CENPW: variants seen among roughly 807,000 people sequenced by gnomAD.
CENPW encodes centromere protein W.
A neutral mutation model predicts 11.1 loss-of-function variants in CENPW; 3 were observed. The observed-to-expected ratio is 0.27, with a 90% confidence interval of 0.12 to 0.70. CENPW has a LOEUF of 0.70. Ranked by LOEUF, CENPW falls within the 30% of genes least tolerant of loss-of-function variation. The pLI is 0.77. For synonymous variants in CENPW, 38 were observed against 42.0 expected, an observed-to-expected ratio of 0.91 and a Z score of 0.37; for missense variants, 100 against 105.6, an observed-to-expected ratio of 0.95 and a Z score of 0.23.
chr6:126,416,502 G>A, the CENPW span, among the ~76,000 whole-genome samples: 21 of 152,286 alleles, frequency 1.4e-4, no homozygotes, highest in East Asian at 2.3e-3. Flanking sequence ...GCATGTCAGA[G>A]GCCTTCATGG....
the CENPW span, among the ~76,000 whole-genome samples, chr6:126,404,186 T>C: frequency 6.6e-6 from 1 of 152,108 alleles, no homozygotes; most frequent in Admixed American, 6.6e-5. Context: ...ACAATTTACC[T>C]GGTCATCCAA....
At chr6:126,379,350 T>G in the CENPW span, among the ~76,000 whole-genome samples, 48 of 152,296 alleles carry the variant, frequency 3.2e-4, 1 homozygote, top group East Asian at 5.8e-4. Flanking sequence ...CTTTAATATA[T>G]ATAAGGCATT....
the CENPW span, among the ~76,000 whole-genome samples, chr6:126,422,072 C>A: frequency 7.2e-5 from 11 of 152,114 alleles, no homozygotes; most frequent in African/African-American, 2.4e-4. Flanking sequence ...TTGCTGAGAA[C>A]CAGTGTTAGC....
chr6:126,409,061 T>C, the CENPW span, among the ~76,000 whole-genome samples: 5 of 152,246 alleles, frequency 3.3e-5, no homozygotes, highest in South Asian at 8.3e-4. Flanking sequence ...TTGAAATCTT[T>C]TTACTTTTTT....
the CENPW span, among the ~76,000 whole-genome samples, chr6:126,365,508 T>A: frequency 6.6e-6 from 1 of 151,906 alleles, no homozygotes; most frequent in Non-Finnish European, 1.5e-5. Flanking sequence ...AACAACCAGA[T>A]CTCCTGAGAA....
the CENPW span, among the ~76,000 whole-genome samples, chr6:126,461,866 A>G: frequency 6.6e-6 from 1 of 151,978 alleles, no homozygotes; most frequent in Admixed American, 6.6e-5. Context: ...AGAAGGCCCA[A>G]CTAGATGATC....
At chr6:126,408,417 C>T in the CENPW span, among the ~76,000 whole-genome samples, 14 of 152,052 alleles carry the variant, frequency 9.2e-5, no homozygotes, top group African/African-American at 1.4e-4. Context: ...CATCAGATCT[C>T]GTGAGACTTA....
the CENPW span, among the ~76,000 whole-genome samples, chr6:126,370,765 T>C: frequency 6.6e-6 from 1 of 151,972 alleles, no homozygotes; most frequent in African/African-American, 2.4e-5. Flanking sequence ...TTTTTTTTTT[T>C]TTCTTGAGAT....
the CENPW span, among the ~76,000 whole-genome samples, chr6:126,481,996 T>G: frequency 6.6e-6 from 1 of 152,140 alleles, no homozygotes; most frequent in South Asian, 2.1e-4. Flanking sequence ...AGTTCATTTT[T>G]GAAGCCTTTT....
At chr6:126,409,743 T>C in the CENPW span, among the ~76,000 whole-genome samples, 4 of 152,170 alleles carry the variant, frequency 2.6e-5, no homozygotes, top group South Asian at 4.1e-4. Flanking sequence ...TGATTGCTTT[T>C]TGTTTTCATT....
chr6:126,418,973 T>G, the CENPW span, among the ~76,000 whole-genome samples: 1 of 151,100 alleles, frequency 6.6e-6, no homozygotes, highest in Non-Finnish European at 1.5e-5. Flanking sequence ...GGAGATATAC[T>G]TAATGTAAAT....
chr6:126,380,838 A>T, the CENPW span, among the ~76,000 whole-genome samples: 1 of 152,228 alleles, frequency 6.6e-6, no homozygotes, highest in African/African-American at 2.4e-5. Flanking sequence ...AATAATAACA[A>T]TGACATAGGA....
At chr6:126,381,127 G>A in the CENPW span, among the ~76,000 whole-genome samples, 10 of 152,052 alleles carry the variant, frequency 6.6e-5, no homozygotes, top group African/African-American at 2.4e-4. Flanking sequence ...TCTCCTCCAC[G>A]GCCAAATCCT....
At chr6:126,384,488 C>A in the CENPW span, among the ~76,000 whole-genome samples, 1 of 152,106 alleles carries the variant, frequency 6.6e-6, no homozygotes. Context: ...CTACAACCAT[C>A]TGATCTTCAA....
At chr6:126,473,648 G>A in the CENPW span, among the ~76,000 whole-genome samples, 17 of 151,696 alleles carry the variant, frequency 1.1e-4, no homozygotes, top group East Asian at 1.6e-3. Flanking sequence ...CAAGAGATTC[G>A]CTTGAGCTTG....
chr6:126,398,615 T>A, the CENPW span, among the ~76,000 whole-genome samples: 60 of 152,124 alleles, frequency 3.9e-4, no homozygotes, highest in African/African-American at 1.4e-3. Context: ...TGGTTTTCAG[T>A]TCTATTACTT....
At chr6:126,377,492 T>C in the CENPW span, among the ~76,000 whole-genome samples, 7 of 152,306 alleles carry the variant, frequency 4.6e-5, no homozygotes, top group African/African-American at 1.4e-4. Context: ...CTATCTGTTA[T>C]AAGTTTATGG....
the CENPW span, among the ~76,000 whole-genome samples, chr6:126,418,822 A>G: frequency 1.3e-5 from 2 of 151,444 alleles, no homozygotes; most frequent in African/African-American, 2.4e-5. Flanking sequence ...TCAGCAAACT[A>G]TCGCAAGGAC....
chr6:126,454,511 C>G, the CENPW span, among the ~76,000 whole-genome samples: 1 of 151,274 alleles, frequency 6.6e-6, no homozygotes, highest in African/African-American at 2.4e-5. Flanking sequence ...TCAAGACATT[C>G]TTTGAAATTA....
Sources: gnomAD v4.1 joint callset for allele counts (sites outside exome capture counted in the v4.1 genomes callset) on GRCh38, gnomAD v4.1.1 for gene constraint, MANE v1.5 for transcripts, NCBI Gene and HGNC (gene_info 2026-07-23, HGNC 2026-07-21) for gene names.